L3MBTL4: variants seen among roughly 807,000 people sequenced by gnomAD.
L3MBTL4 encodes the protein lethal(3)malignant brain tumor-like protein 4.
A neutral mutation model predicts 84.5 loss-of-function variants in L3MBTL4; 70 were observed. That is an observed-to-expected ratio of 0.83 (90% CI 0.68 to 1.01). The LOEUF (loss-of-function observed/expected upper bound fraction) is 1.01. Among genes scored for constraint, L3MBTL4 ranks in the 50% least tolerant of loss-of-function variants. The probability of loss-of-function intolerance (pLI) is 0.00; values close to 1 mark genes in which losing one functional copy is unlikely to be tolerated. For missense variants in L3MBTL4, 715 were observed against 754.8 expected, an observed-to-expected ratio of 0.95 and a Z score of 0.62; for synonymous variants, 274 against 259.8, an observed-to-expected ratio of 1.05 and a Z score of -0.52.
At chr18:6,277,885 T>C (rs1213848056) in intron 4 of L3MBTL4, among the ~76,000 whole-genome samples, 1 of 152,146 alleles carries the variant, frequency 6.6e-6, no homozygotes, top group Non-Finnish European at 1.5e-5. Context: ...TAGTTTATCA[T>C]TAGATTCTCC....
intron 16 of L3MBTL4, among the ~76,000 whole-genome samples, chr18:6,012,931 C>CTCTCT (rs1410816614): frequency 6.6e-6 from 1 of 152,162 alleles, no homozygotes; most frequent in African/African-American, 2.4e-5. Context: ...GGCACCTCTC[C>CTCTCT]TCTCTTCTCC....
intron 12 of L3MBTL4, among the ~76,000 whole-genome samples, chr18:6,177,590 C>A (rs1179152644): frequency 6.6e-6 from 1 of 152,212 alleles, no homozygotes; most frequent in African/African-American, 2.4e-5. Context: ...GAAATCTGTA[C>A]ATCTTATCAT....
At chr18:6,250,878 T>C (rs1218152602) in intron 5 of L3MBTL4, among the ~76,000 whole-genome samples, 1 of 152,226 alleles carries the variant, frequency 6.6e-6, no homozygotes, top group Admixed American at 6.5e-5. Flanking sequence ...CTCAGCAACA[T>C]CTTCCACATA....
chr18:5,963,459 C>T (rs2052167812), intron 17 of L3MBTL4, among the ~76,000 whole-genome samples: 1 of 152,208 alleles, frequency 6.6e-6, no homozygotes, highest in East Asian at 1.9e-4. Flanking sequence ...GTGGTGGCCT[C>T]CACCTGGCCC....
intron 5 of L3MBTL4, among the ~76,000 whole-genome samples, chr18:6,252,543 A>T (rs906578125): frequency 4.6e-5 from 7 of 152,210 alleles, no homozygotes; most frequent in African/African-American, 1.4e-4. Flanking sequence ...AGGAGAACAG[A>T]CAGAGAGAGA....
At chr18:6,059,005 T>G (rs2057117040) in intron 16 of L3MBTL4, among the ~76,000 whole-genome samples, 1 of 152,174 alleles carries the variant, frequency 6.6e-6, no homozygotes, top group Non-Finnish European at 1.5e-5. Context: ...GGCTGTCCAC[T>G]CTCCCACAGC....
At chr18:5,980,968 T>C (rs2053183227) in intron 16 of L3MBTL4, among the ~76,000 whole-genome samples, 1 of 152,226 alleles carries the variant, frequency 6.6e-6, no homozygotes, top group African/African-American at 2.4e-5. Flanking sequence ...AATTGCTGGC[T>C]GTGCTGCTTG....
intron 13 of L3MBTL4, among the ~76,000 whole-genome samples, chr18:6,170,800 G>A (rs2043933174): frequency 6.6e-6 from 1 of 152,118 alleles, no homozygotes; most frequent in African/African-American, 2.4e-5. Flanking sequence ...AAACCAGGGA[G>A]GATAAAAAGC....
chr18:5,992,209 G>A (rs1843131874), intron 16 of L3MBTL4, among the ~76,000 whole-genome samples: 1 of 152,182 alleles, frequency 6.6e-6, no homozygotes, highest in South Asian at 2.1e-4. Context: ...GGCATGATGA[G>A]GAGCCCCGGG....
At chr18:6,289,425 CT>C (rs1284995823) in intron 4 of L3MBTL4, among the ~76,000 whole-genome samples, 1 of 152,184 alleles carries the variant, frequency 6.6e-6, no homozygotes, top group Non-Finnish European at 1.5e-5. Context: ...TAACAGCCAT[CT>C]TCTAAACTGC....
chr18:6,284,547 G>A (rs1211457421), intron 4 of L3MBTL4, among the ~76,000 whole-genome samples: 1 of 152,234 alleles, frequency 6.6e-6, no homozygotes, highest in East Asian at 1.9e-4. Context: ...CCACACCGCC[G>A]CAGCGCCGCC....
chr18:6,292,995 A>C (rs2049934728), intron 4 of L3MBTL4, among the ~76,000 whole-genome samples: 1 of 152,210 alleles, frequency 6.6e-6, no homozygotes, highest in Non-Finnish European at 1.5e-5. Context: ...CCTCCTTCTT[A>C]TGAAACCTCC....
At chr18:6,324,739 C>G (rs995332885) in intron 1 of L3MBTL4, among the ~76,000 whole-genome samples, 2 of 143,580 alleles carry the variant, frequency 1.4e-5, no homozygotes, top group African/African-American at 5.6e-5. Context: ...TGCAGTCAAG[C>G]CCAGCCTGGA....
intron 14 of L3MBTL4, among the ~76,000 whole-genome samples, chr18:6,111,475 C>A (rs1166355869): frequency 2.0e-5 from 3 of 152,270 alleles, no homozygotes; most frequent in East Asian, 1.9e-4. Flanking sequence ...CTGCTAAGAG[C>A]CCCACTTCAG....
intron 16 of L3MBTL4, chr18:6,029,366 C>G (rs938636213): frequency 9.6e-6 from 7 of 729,998 alleles, no homozygotes; most frequent in Non-Finnish European, 1.2e-5. Flanking sequence ...AAAGAACTTT[C>G]AATAGGTAAA....
At chr18:6,212,050 T>G (rs908514736) in intron 12 of L3MBTL4, among the ~76,000 whole-genome samples, 9 of 152,200 alleles carry the variant, frequency 5.9e-5, no homozygotes, top group Admixed American at 2.0e-4. Flanking sequence ...GAGTAAACAG[T>G]AAAATTCCAG....
intron 9 of L3MBTL4, 69 bp downstream of exon 9, chr18:6,239,649 A>G: frequency 6.6e-7 from 1 of 1,515,602 alleles, no homozygotes; most frequent in Non-Finnish European, 9.0e-7. Context: ...CAACAGTGCT[A>G]GAATGAAAAC....
At chr18:6,007,520 C>T (rs1015388184) in intron 16 of L3MBTL4, among the ~76,000 whole-genome samples, 6 of 152,074 alleles carry the variant, frequency 3.9e-5, no homozygotes, top group African/African-American at 1.2e-4. Flanking sequence ...GAATGTAAAT[C>T]AATATATTAT....
At chr18:6,357,659 T>G (rs1239425562) in intron 1 of L3MBTL4, among the ~76,000 whole-genome samples, 2 of 152,078 alleles carry the variant, frequency 1.3e-5, no homozygotes, top group African/African-American at 4.8e-5. Flanking sequence ...GGGGCCTAAT[T>G]GTCACCATCA....
Sources: allele counts gnomAD v4.1 joint callset (sites outside exome capture counted in the v4.1 genomes callset), GRCh38; gene constraint gnomAD v4.1.1; transcripts MANE v1.5; gene names NCBI Gene and HGNC (gene_info 2026-07-23, HGNC 2026-07-21).